ASIC2: variants seen among roughly 807,000 people sequenced by gnomAD.
The protein encoded by ASIC2 is acid-sensing ion channel 2.
Under a neutral mutation model 57.3 loss-of-function variants are expected in ASIC2, and 25 were observed. That is an observed-to-expected ratio of 0.44 (90% CI 0.32 to 0.61). The LOEUF is 0.61. Ranked by LOEUF, ASIC2 falls within the 20% of genes least tolerant of loss-of-function variation. ASIC2 has a pLI of 0.06. For missense variants in ASIC2, 641 were observed against 738.1 expected (o/e 0.87, Z 1.52); for synonymous variants, 319 against 307.5 (o/e 1.04, Z -0.39).
intron 1 of ASIC2, among the ~76,000 whole-genome samples, chr17:33,954,810 G>C (rs1904683100): frequency 6.6e-6 from 1 of 152,206 alleles, no homozygotes; most frequent in Non-Finnish European, 1.5e-5. Flanking sequence ...TGTCAGGAAA[G>C]TTTCCCTGAC....
chr17:33,521,983 C>A (rs1342216763), intron 1 of ASIC2, among the ~76,000 whole-genome samples: 1 of 152,222 alleles, frequency 6.6e-6, no homozygotes, highest in Admixed American at 6.5e-5. Context: ...GGCTAGGGGG[C>A]CCTCTGCTGG....
At chr17:33,941,858 G>A (rs1318826635) in intron 1 of ASIC2, among the ~76,000 whole-genome samples, 1 of 152,202 alleles carries the variant, frequency 6.6e-6, no homozygotes, top group African/African-American at 2.4e-5. Flanking sequence ...ATGCTGCTGT[G>A]AGCCTGCAGC....
intron 1 of ASIC2, among the ~76,000 whole-genome samples, chr17:33,874,174 G>C (rs533804899): frequency 6.6e-6 from 1 of 152,246 alleles, no homozygotes; most frequent in African/African-American, 2.4e-5. Context: ...AAGAGAGAAT[G>C]TTGCCTCTGT....
intron 3 of ASIC2, among the ~76,000 whole-genome samples, chr17:33,071,317 C>T (rs2092068275): frequency 6.6e-6 from 1 of 152,148 alleles, no homozygotes; most frequent in Non-Finnish European, 1.5e-5. Flanking sequence ...TCATTTCAAT[C>T]TCCTCAAGTT....
intron 1 of ASIC2, among the ~76,000 whole-genome samples, chr17:33,500,882 G>A (rs1210974498): frequency 6.6e-6 from 1 of 152,258 alleles, no homozygotes; most frequent in Non-Finnish European, 1.5e-5. Flanking sequence ...CATTCAGCTG[G>A]CCTGGTGTTC....
intron 1 of ASIC2, among the ~76,000 whole-genome samples, chr17:33,699,171 C>T (rs1352236520): frequency 1.3e-5 from 2 of 152,178 alleles, no homozygotes; most frequent in African/African-American, 4.8e-5. Context: ...CTGGTTCTCT[C>T]CTCACAAGGA....
At chr17:33,541,902 G>A (rs1915423307) in intron 1 of ASIC2, among the ~76,000 whole-genome samples, 1 of 152,118 alleles carries the variant, frequency 6.6e-6, no homozygotes, top group Non-Finnish European at 1.5e-5. Flanking sequence ...AAGAGTTTGG[G>A]AGCTCTGCCC....
At chr17:33,898,977 C>T (rs573170259) in intron 1 of ASIC2, among the ~76,000 whole-genome samples, 2 of 152,186 alleles carry the variant, frequency 1.3e-5, no homozygotes, top group South Asian at 4.2e-4. Context: ...TGGCTGTTGC[C>T]CGCTTGCCAA....
intron 1 of ASIC2, among the ~76,000 whole-genome samples, chr17:33,777,818 T>C (rs1277193364): frequency 6.6e-6 from 1 of 152,132 alleles, no homozygotes; most frequent in Admixed American, 6.5e-5. Context: ...AACAAGACAA[T>C]GGGGTGGCAC....
intron 1 of ASIC2, among the ~76,000 whole-genome samples, chr17:33,467,987 T>A (rs1912920787): frequency 6.6e-6 from 1 of 152,224 alleles, no homozygotes; most frequent in East Asian, 1.9e-4. Context: ...TTGACAGTTA[T>A]ATGCCCTCAG....
At chr17:34,041,044 G>A (rs931953205) in intron 1 of ASIC2, among the ~76,000 whole-genome samples, 1 of 152,168 alleles carries the variant, frequency 6.6e-6, no homozygotes. Flanking sequence ...AGCTTAATGG[G>A]GAAGTGGGAA....
chr17:33,033,103 G>A (rs1312451292), intron 3 of ASIC2, among the ~76,000 whole-genome samples: 1 of 152,208 alleles, frequency 6.6e-6, no homozygotes, highest in African/African-American at 2.4e-5. Flanking sequence ...ACCGATGGCA[G>A]TGGCTGCTTA....
intron 1 of ASIC2, among the ~76,000 whole-genome samples, chr17:33,443,515 G>A (rs1382359775): frequency 1.4e-5 from 2 of 139,862 alleles, no homozygotes; most frequent in Non-Finnish European, 3.1e-5. Flanking sequence ...CCGGGTTAAC[G>A]CCATTCTCCT....
chr17:33,588,513 G>A (rs1222911052), intron 1 of ASIC2, among the ~76,000 whole-genome samples: 1 of 152,140 alleles, frequency 6.6e-6, no homozygotes, highest in Non-Finnish European at 1.5e-5. Flanking sequence ...CCATTCTTCC[G>A]ATCCATATTT....
At chr17:34,036,710 G>T (rs1422418128) in intron 1 of ASIC2, 1 of 118,824 alleles carries the variant, frequency 8.4e-6, no homozygotes, top group Non-Finnish European at 1.7e-5. Flanking sequence ...TTTTTGCATG[G>T]ACAGATGAAC....
At chr17:33,271,254 C>T (rs1171955866) in intron 1 of ASIC2, among the ~76,000 whole-genome samples, 1 of 152,166 alleles carries the variant, frequency 6.6e-6, no homozygotes, top group African/African-American at 2.4e-5. Context: ...GAATCCAGGG[C>T]CCAGTGCTCA....
intron 3 of ASIC2, among the ~76,000 whole-genome samples, chr17:33,071,638 G>A (rs572006431): frequency 6.6e-6 from 1 of 152,282 alleles, no homozygotes; most frequent in Non-Finnish European, 1.5e-5. Flanking sequence ...CAGATGTCAT[G>A]AATTTTAACA....
chr17:33,920,816 T>C (rs1263698379), intron 1 of ASIC2, among the ~76,000 whole-genome samples: 1 of 152,218 alleles, frequency 6.6e-6, no homozygotes, highest in Non-Finnish European at 1.5e-5. Context: ...CACTCAGGGC[T>C]GTCCAGGGCC....
chr17:34,098,775 A>G (rs975752499), intron 1 of ASIC2, among the ~76,000 whole-genome samples: 4 of 152,036 alleles, frequency 2.6e-5, no homozygotes, highest in Admixed American at 6.5e-5. Context: ...TCATCTGAAC[A>G]CTCATTTTTT....
Sources: gnomAD v4.1 joint callset for allele counts (sites outside exome capture counted in the v4.1 genomes callset) on GRCh38, gnomAD v4.1.1 for gene constraint, MANE v1.5 for transcripts, NCBI Gene and HGNC (gene_info 2026-07-23, HGNC 2026-07-21) for gene names.